GPC5: variants seen among roughly 807,000 people sequenced by gnomAD.
The protein encoded by GPC5 is glypican 5, also known as glypican-5.
Under a neutral mutation model 53.9 loss-of-function variants are expected in GPC5, and 47 were observed. The observed-to-expected ratio is 0.87, with a 90% CI of 0.69 to 1.11. GPC5 has a LOEUF of 1.11. Ranked by LOEUF, GPC5 falls within the 50% of genes most tolerant of loss-of-function variation. The pLI, the probability that GPC5 is intolerant of heterozygous loss-of-function variation, is 0.00. For missense variants in GPC5, 748 were observed against 713.1 expected (o/e 1.05, Z -0.56); for synonymous variants, 286 against 263.3 (o/e 1.09, Z -0.84).
At chr13:92,437,252 C>G in intron 7 of GPC5, among the ~76,000 whole-genome samples, 1 of 152,260 alleles carries the variant, frequency 6.6e-6, no homozygotes, top group African/African-American at 2.4e-5. Flanking sequence ...CAATGACAAG[C>G]ACTGAGTGAC....
At chr13:92,253,072 T>C (rs911243525) in intron 7 of GPC5, among the ~76,000 whole-genome samples, 1 of 152,154 alleles carries the variant, frequency 6.6e-6, no homozygotes, top group African/African-American at 2.4e-5. Context: ...ATTTTCATAT[T>C]TTAATTGAGC....
chr13:92,246,661 C>A lies in GPC5; in HGVS notation c.1561+101672C>A, dbSNP rs184253162. 3.3e-3 allele frequency among the ~76,000 whole-genome samples: 495 copies of A among 152,232 alleles called. 1 individual carries two copies. The highest frequency in any genetic ancestry group is 8.7e-3 in the South Asian group (42 of 4,820). ...TCAGCCCTTCATATGTAAAAGCAATCTACTAAAATATAAAGTCCAGAGAAA... is the reference window on the plus strand; with the variant it reads ...TCAGCCCTTCATATGTAAAAGCAATATACTAAAATATAAAGTCCAGAGAAA... On this transcript the variant is annotated intron_variant, in intron 7 of 7. Coordinates refer to ENST00000377067, the MANE Select transcript of GPC5 (RefSeq NM_004466.6).
At chr13:92,002,456 T>C (rs973665835) in intron 6 of GPC5, among the ~76,000 whole-genome samples, 1 of 152,152 alleles carries the variant, frequency 6.6e-6, no homozygotes, top group South Asian at 2.1e-4. Context: ...CAATAAACCA[T>C]AATGTCTTAC....
At chr13:92,462,839 C>T (rs942571681) in intron 7 of GPC5, among the ~76,000 whole-genome samples, 1 of 151,708 alleles carries the variant, frequency 6.6e-6, no homozygotes, top group Non-Finnish European at 1.5e-5. Context: ...GCCTCAGCCT[C>T]CCGAGTAGGT....
chr13:91,571,553 A>G lies in GPC5; in HGVS notation c.326-121634A>G, dbSNP rs997946671. Among the ~76,000 whole-genome samples the G allele has an allele frequency of 5.9e-5, 9 of 151,704 alleles. No individual in the cohort carries two copies. In the South Asian group the frequency reaches 1.9e-3, roughly 32 times the overall value. On this transcript the variant is annotated intron_variant, in intron 2 of 7. Transcript: ENST00000377067. ...AGCCTGGCCAACATGGTGAAACCCC[A>G]TCTCCACTAAAAATACAAAAAAGTA...
chr13:91,484,479 T>C (rs1883481462), intron 2 of GPC5, among the ~76,000 whole-genome samples: 1 of 152,322 alleles, frequency 6.6e-6, no homozygotes, highest in South Asian at 2.1e-4. Flanking sequence ...AGCTTTTCAT[T>C]TGACATCTAA....
At chr13:92,469,700 C>T (rs967478259) in intron 7 of GPC5, among the ~76,000 whole-genome samples, 6 of 152,042 alleles carry the variant, frequency 3.9e-5, no homozygotes, top group African/African-American at 1.4e-4. Flanking sequence ...CTTCTTGTAA[C>T]TTCTATGTTT....
At position 91,914,652 on chromosome 13, in the gene GPC5, T is replaced by C. The variant is rs189916964; in HGVS notation, c.1401+6595T>C. ...TGCTAAATTATCTCTTAGTCTTTTT[T>C]TCACTCTGTTCTTAGGATACCGATA... On this transcript the variant is annotated intron_variant, in intron 6 of 7. Coordinates refer to ENST00000377067, the MANE Select transcript of GPC5 (RefSeq NM_004466.6). 4.8e-3 allele frequency among the ~76,000 whole-genome samples: 186 copies of C among 38,676 alleles called. 2 individuals carry two copies. In the East Asian group the frequency reaches 0.13, roughly 28 times the overall value. The allele number at this position is 38,676 out of a possible 152,430, so 25.4% of individuals were successfully genotyped here.
intron 6 of GPC5, among the ~76,000 whole-genome samples, chr13:92,015,112 A>G (rs774458193): frequency 2.6e-5 from 4 of 152,156 alleles, no homozygotes; most frequent in Non-Finnish European, 5.9e-5. Flanking sequence ...AATACTTTTC[A>G]AAGTCTAGAG....
In GPC5 at chr13:91,677,569, G is replaced by C. The variant is rs570705431; in HGVS notation, c.326-15618G>C. Among the ~76,000 whole-genome samples the C allele has an allele frequency of 2.6e-5, 4 of 152,248 alleles. No homozygotes were observed. The South Asian group carries it at 8.3e-4, about 32-fold the overall frequency. ...ATTTGGCAGATGAATTAGTTCATCT[G>C]TCAAGTTCTTTTGCATTCTAATATA... On this transcript the variant is annotated intron_variant, in intron 2 of 7. Transcript: ENST00000377067.
At chr13:91,987,779 T>A (rs534620118) in intron 6 of GPC5, among the ~76,000 whole-genome samples, 26 of 145,760 alleles carry the variant, frequency 1.8e-4, no homozygotes, top group Non-Finnish European at 6.0e-5. Context: ...ATACTATTTA[T>A]ATATATAGTA....
intron 7 of GPC5, among the ~76,000 whole-genome samples, chr13:92,489,079 A>C (rs1879664371): frequency 6.6e-6 from 1 of 152,176 alleles, no homozygotes; most frequent in South Asian, 2.1e-4. Context: ...AATTTAATCA[A>C]GCTCTTCATC....
intron 5 of GPC5, among the ~76,000 whole-genome samples, chr13:91,784,712 G>A (rs1403858702): frequency 4.3e-5 from 5 of 116,746 alleles, no homozygotes; most frequent in Non-Finnish European, 5.0e-5. Flanking sequence ...CAACAAGAGC[G>A]AAACTCCATC....
intron 2 of GPC5, among the ~76,000 whole-genome samples, chr13:91,683,027 G>A (rs962791115): frequency 6.6e-6 from 1 of 151,338 alleles, no homozygotes; most frequent in Non-Finnish European, 1.5e-5. Flanking sequence ...TCGAATTGTT[G>A]CTTACATGGG....
At chr13:91,625,207 C>A (rs1184695801) in intron 2 of GPC5, among the ~76,000 whole-genome samples, 1 of 143,344 alleles carries the variant, frequency 7.0e-6, no homozygotes, top group African/African-American at 2.8e-5. Flanking sequence ...GGAAACACTA[C>A]ATGCAACATA....
chr13:92,546,661 A>C (rs1882126379), intron 7 of GPC5, among the ~76,000 whole-genome samples: 1 of 152,208 alleles, frequency 6.6e-6, no homozygotes, highest in Admixed American at 6.5e-5. Context: ...GAATTGGAAA[A>C]AACTACTTTA....
intron 7 of GPC5, among the ~76,000 whole-genome samples, chr13:92,149,711 C>T (rs1277565613): frequency 2.6e-5 from 4 of 151,946 alleles, no homozygotes; most frequent in Non-Finnish European, 5.9e-5. Context: ...TCTTGGCTTC[C>T]TCATATTTAT....
chr13:92,219,257 A>G (rs1374520475), intron 7 of GPC5, among the ~76,000 whole-genome samples: 2 of 151,724 alleles, frequency 1.3e-5, no homozygotes, highest in Non-Finnish European at 2.9e-5. Context: ...TTCTTCTGGC[A>G]TTCACCTCCA....
At chr13:91,921,673 G>A (rs1027600920) in intron 6 of GPC5, among the ~76,000 whole-genome samples, 42 of 151,856 alleles carry the variant, frequency 2.8e-4, no homozygotes, top group African/African-American at 9.9e-4. Context: ...ACGGCAGATG[G>A]GGTGGCTCAT....
Sources: allele counts gnomAD v4.1 joint callset (sites outside exome capture counted in the v4.1 genomes callset), GRCh38; gene constraint gnomAD v4.1.1; transcripts MANE v1.5; gene names NCBI Gene and HGNC (gene_info 2026-07-23, HGNC 2026-07-21).